MYH11: variants seen among roughly 807,000 people sequenced by gnomAD.
MYH11 encodes myosin-11.
In MYH11, 80 loss-of-function variants were observed where a neutral mutation model predicts 246.6. That is an observed-to-expected ratio of 0.32 (90% CI 0.27 to 0.39). The LOEUF (loss-of-function observed/expected upper bound fraction) is 0.39, where lower values mean the gene tolerates loss of function less well. Ranked by LOEUF, MYH11 falls within the 10% of genes least tolerant of loss-of-function variation. MYH11 has a pLI of 1.00. For synonymous variants in MYH11, 1,071 were observed against 1,015.5 expected, an observed-to-expected ratio of 1.05 and a Z score of -1.04; for missense variants, 2,158 against 2,546.8, an observed-to-expected ratio of 0.85 and a Z score of 3.29.
intron 2 of MYH11, among the ~76,000 whole-genome samples, chr16:15,831,603 C>T (rs973057957): frequency 6.6e-6 from 1 of 151,864 alleles, no homozygotes; most frequent in African/African-American, 2.4e-5. Context: ...CATAGATTAT[C>T]CTTGTATTAC....
intron 27 of MYH11, chr16:15,732,345 C>G (rs1363835893): frequency 3.1e-6 from 2 of 653,556 alleles, no homozygotes; most frequent in Non-Finnish European, 5.3e-6. Context: ...AGCGATCCTC[C>G]CGCCTCAGCC....
chr16:15,767,476 G>A (rs1219405537), intron 9 of MYH11, among the ~76,000 whole-genome samples: 4 of 151,926 alleles, frequency 2.6e-5, no homozygotes, highest in Non-Finnish European at 4.4e-5. Context: ...AATTTGGGGG[G>A]TTACATTTAT....
chr16:15,708,955 C>G, intron 40 of MYH11: 3 of 1,145,968 alleles, frequency 2.6e-6, no homozygotes, highest in South Asian at 1.3e-5. Context: ...TAAAGGCACT[C>G]TTTTTTATTT....
chr16:15,728,168 G>A (rs555867150), intron 27 of MYH11, among the ~76,000 whole-genome samples: 3 of 152,310 alleles, frequency 2.0e-5, no homozygotes, highest in South Asian at 2.1e-4. Flanking sequence ...GGTGGAGGTT[G>A]CAGTGAACCA....
chr16:15,755,569 T>G (rs12102743), intron 14 of MYH11, among the ~76,000 whole-genome samples: 74,373 of 151,968 alleles, frequency 0.49, 19,437 homozygotes, highest in East Asian at 0.69. Flanking sequence ...CAGGGAGATC[T>G]CTTGAGCCCA....
At chr16:15,722,777 ATCAC>A (rs1468769679) in intron 31 of MYH11, among the ~76,000 whole-genome samples, 2 of 152,174 alleles carry the variant, frequency 1.3e-5, no homozygotes, top group African/African-American at 4.8e-5. Flanking sequence ...TTTTCACTCC[ATCAC>A]TCAGGCTGGG....
At chr16:15,758,896 G>A (rs528315205) in intron 12 of MYH11, among the ~76,000 whole-genome samples, 4 of 151,566 alleles carry the variant, frequency 2.6e-5, no homozygotes, top group South Asian at 2.1e-4. Flanking sequence ...CCCAGGAGGC[G>A]GAGGCAGCAG....
Position 15,704,053 on chromosome 16 carries a change from C to T in MYH11, c.5857G>A (p.Gly1953Ser), listed in dbSNP as rs776407200. The T allele has an allele frequency of 1.4e-5, 22 of 1,614,010 alleles. No homozygotes were observed. The highest frequency in any genetic ancestry group is 2.2e-5 in the East Asian group (1 of 44,894). ...CGAGTGTCCGTTTCCTCCTCAGAAC[C>T]ATCTGCATTTTCAATAACTCTACGT... ...GGRRVIENAD[G>S]SEEETDTRDA... is the part of the protein sequence containing the mutation. Residue 1953 changes from glycine (G) to serine (S), a missense_variant, in exon 41 of 41, where the codon GGT becomes AGT. Transcript: ENST00000300036.
chr16:15,711,945 G>A (rs1346295696), intron 40 of MYH11, among the ~76,000 whole-genome samples: 2 of 152,146 alleles, frequency 1.3e-5, no homozygotes, highest in African/African-American at 4.8e-5. Context: ...AGCCTGCGTT[G>A]GCCTCCCAAA....
At chr16:15,800,319 G>A (rs947206814) in intron 3 of MYH11, among the ~76,000 whole-genome samples, 5 of 151,796 alleles carry the variant, frequency 3.3e-5, no homozygotes, top group African/African-American at 9.7e-5. Flanking sequence ...TGGATGGAAG[G>A]ATGGATAGAT....
chr16:15,747,779 G>A, intron 18 of MYH11, 49 bp from the exon 19 acceptor site: 1 of 1,613,268 alleles, frequency 6.2e-7, no homozygotes, highest in Non-Finnish European at 8.5e-7. Flanking sequence ...TGTGCCATTT[G>A]GCCAGTGATG....
intron 10 of MYH11, 88 bp downstream of exon 10, chr16:15,763,708 A>G (rs1596799249): frequency 1.8e-6 from 2 of 1,107,026 alleles, no homozygotes; most frequent in East Asian, 4.7e-5. Flanking sequence ...AGATACCTTC[A>G]CCTTGAAAAA....
intron 15 of MYH11, 87 bp downstream of exon 15, chr16:15,753,307 C>T (rs2041622884): frequency 1.7e-6 from 2 of 1,210,246 alleles, no homozygotes; most frequent in Non-Finnish European, 2.4e-6. Flanking sequence ...GGCCTCCCCT[C>T]CTGGGGCAGG....
chr16:15,758,487 T>G (rs1405693892), intron 12 of MYH11, among the ~76,000 whole-genome samples: 1 of 151,588 alleles, frequency 6.6e-6, no homozygotes, highest in African/African-American at 2.4e-5. Context: ...CTGGCAAGCA[T>G]AGCGAAACCT....
In MYH11 at chr16:15,740,241, C is replaced by T. The variant is rs1055510694; in HGVS notation, c.2860-53G>A. On this transcript the variant is annotated intron_variant, in intron 22 of 40. Coordinates refer to ENST00000300036, the MANE Select transcript of MYH11 (RefSeq NM_002474.3). ...GCTTTGGTTATAACAGATTTACTCT[C>T]GTGGTGATCTGGGGACTAATGAATA... The T allele has an allele frequency of 4.4e-5, 71 of 1,612,406 alleles. No individual in the cohort carries two copies. The East Asian group carries it at 1.1e-3, about 25-fold the overall frequency.
chr16:15,761,524 CA>C (rs1183424363), intron 10 of MYH11, among the ~76,000 whole-genome samples: 15 of 152,086 alleles, frequency 9.9e-5, no homozygotes, highest in African/African-American at 3.6e-4. Context: ...TGTGTTGCAG[CA>C]TTGTTTGCAA....
chr16:15,710,614 C>T (rs183835789), intron 40 of MYH11, among the ~76,000 whole-genome samples: 53 of 151,968 alleles, frequency 3.5e-4, no homozygotes, highest in Middle Eastern at 3.4e-3. Context: ...GTATCCCCAT[C>T]GCTCAGCCCA....
chr16:15,805,993 AGCCGGC>A (rs1249600575), intron 3 of MYH11, among the ~76,000 whole-genome samples: 1 of 151,940 alleles, frequency 6.6e-6, no homozygotes, highest in African/African-American at 2.4e-5. Flanking sequence ...GAAAGAAGCT[AGCCGGC>A]TGGGCACGGT....
At chr16:15,727,782 G>A (rs2040839936) in intron 27 of MYH11, among the ~76,000 whole-genome samples, 1 of 152,170 alleles carries the variant, frequency 6.6e-6, no homozygotes, top group Admixed American at 6.6e-5. Context: ...AGACCAGCCT[G>A]GGCAATGTAG....
Sources: allele counts gnomAD v4.1 joint callset (sites outside exome capture counted in the v4.1 genomes callset), GRCh38; gene constraint gnomAD v4.1.1; transcripts MANE v1.5; gene names NCBI Gene and HGNC (gene_info 2026-07-23, HGNC 2026-07-21).